The following HDGFL3 variants were observed in gnomAD, a reference collection of about 807,000 sequenced individuals.
HDGFL3 encodes HDGF like 3, also known as hepatoma-derived growth factor-related protein 3.
HDGFL3 carries 6 observed loss-of-function variants against 27.6 expected under a neutral mutation model. That is an observed-to-expected ratio of 0.22 (90% confidence interval 0.12 to 0.43). The LOEUF is 0.43. Ranked by LOEUF, HDGFL3 falls within the 20% of genes least tolerant of loss-of-function variation. The pLI is 1.00. For missense variants in HDGFL3, 207 were observed against 250.1 expected (o/e 0.83, Z 1.16); for synonymous variants, 88 against 88.9 (o/e 0.99, Z 0.05).
chr15:83,206,720 G>A (rs1212523049), intron 1 of HDGFL3, among the ~76,000 whole-genome samples: 1 of 152,238 alleles, frequency 6.6e-6, no homozygotes, highest in Non-Finnish European at 1.5e-5. Context: ...CGGTTTAAAA[G>A]AACGATGGGC....
intron 4 of HDGFL3, among the ~76,000 whole-genome samples, chr15:83,155,307 A>C (rs1345225148): frequency 6.6e-6 from 1 of 152,226 alleles, no homozygotes; most frequent in Non-Finnish European, 1.5e-5. Context: ...ACCCAGGTGG[A>C]GCCCCATTAC....
In HDGFL3 at chr15:83,179,449, C is replaced by A. The variant is rs115416854; in HGVS notation, c.85-15374G>T. Among the ~76,000 whole-genome samples, 204 of 152,306 alleles carry A rather than the reference C, an allele frequency of 1.3e-3. 1 individual carries two copies. The highest frequency in any genetic ancestry group is 4.8e-3 in the African/African-American group (199 of 41,564). On this transcript the variant is annotated intron_variant, in intron 1 of 5. Coordinates refer to ENST00000299633, the MANE Select transcript of HDGFL3 (RefSeq NM_016073.4). ...ACAGAGGCAAGGAAATTCCACATGG[C>A]TCAAACTTGTATGTGTGGTAGCTTA... is the stretch of plus-strand genomic sequence containing the variant.
intron 4 of HDGFL3, 95 bp from the exon 5 acceptor site, chr15:83,151,456 T>A: frequency 9.6e-7 from 1 of 1,044,162 alleles, no homozygotes; most frequent in Non-Finnish European, 1.4e-6. Context: ...ATCTATCTAG[T>A]TTTAGTGGTT....
rs999601975 is a variant in HDGFL3, at chr15:83,133,736, A to T, written c.*5534T>A. On this transcript the variant is annotated 3_prime_UTR_variant, in exon 6 of 6. Transcript: ENST00000299633. ...CATGAGAGGCCTTGTGCTGCTGGGAACATCACCCAGGAGAAAACCTGCAGC... is the reference window on the plus strand; with the variant it reads ...CATGAGAGGCCTTGTGCTGCTGGGATCATCACCCAGGAGAAAACCTGCAGC... 1 of 152,278 alleles carries T rather than the reference A, an allele frequency of 6.6e-6. No homozygotes were observed. The highest frequency in any genetic ancestry group is 1.5e-5 in the Non-Finnish European group (1 of 68,066). The allele number at this position is 152,278 out of a possible 1,614,324, so 9.4% of individuals were successfully genotyped here. A position where few individuals can be genotyped will look rare whatever the true frequency, so the allele number is the denominator to read the frequency against.
intron 1 of HDGFL3, among the ~76,000 whole-genome samples, chr15:83,164,367 C>CAAAAAAAAAAAAAAAAAAAA (rs869303457): frequency 7.6e-4 from 29 of 38,394 alleles, no homozygotes; most frequent in Non-Finnish European, 9.2e-4. Context: ...TTAGAGTAAC[C>CAAAAAAAAAAAAAAAAAAAA]AAAAAAAAAA....
chr15:83,157,766 T>C (rs796141618), intron 3 of HDGFL3, 137 bp downstream of exon 3: 1 of 973,248 alleles, frequency 1.0e-6, no homozygotes, highest in African/African-American at 1.7e-5. Context: ...TTACATTTAA[T>C]CCAAAATGCT....
At chr15:83,206,108 T>C (rs925748042) in intron 1 of HDGFL3, among the ~76,000 whole-genome samples, 1 of 152,228 alleles carries the variant, frequency 6.6e-6, no homozygotes, top group African/African-American at 2.4e-5. Context: ...TTCTTTCCAT[T>C]TGACAATCAT....
At chr15:83,140,523 C>T (rs932859696) in intron 5 of HDGFL3, among the ~76,000 whole-genome samples, 2 of 149,568 alleles carry the variant, frequency 1.3e-5, no homozygotes, top group Admixed American at 1.3e-4. Context: ...GCTCTGTCAC[C>T]TAGGCTGGAG....
At chr15:83,139,767 A>T (rs188214567) in intron 5 of HDGFL3, among the ~76,000 whole-genome samples, 1 of 152,324 alleles carries the variant, frequency 6.6e-6, no homozygotes, top group African/African-American at 2.4e-5. Context: ...GTTAATCATG[A>T]TGTACAAAGT....
chr15:83,155,836 T>C (rs894737876), intron 4 of HDGFL3, among the ~76,000 whole-genome samples: 1 of 152,212 alleles, frequency 6.6e-6, no homozygotes, highest in Non-Finnish European at 1.5e-5. Context: ...GACAGACCAA[T>C]TATAGTGAAA....
At chr15:83,204,761 T>A (rs1471713488) in intron 1 of HDGFL3, among the ~76,000 whole-genome samples, 1 of 152,228 alleles carries the variant, frequency 6.6e-6, no homozygotes, top group South Asian at 2.1e-4. Flanking sequence ...GTGAGAATTA[T>A]CTTTATTTTA....
chr15:83,135,798 C>A lies in HDGFL3; in HGVS notation c.*3472G>T, dbSNP rs187068224. 2 of 152,254 alleles carry A rather than the reference C, an allele frequency of 1.3e-5. No individual in the cohort carries two copies. Among genetic ancestry groups the A allele is most frequent in the East Asian group, 3.9e-4 (2 of 5,190 alleles). The allele number at this position is 152,254 out of a possible 1,614,324, so 9.4% of individuals were successfully genotyped here. ...AAAAGGTTGCCTGCATGTACATTTGCCATTTTACAAAGAGCAACCGTACTC... is the reference window on the plus strand; with the variant it reads ...AAAAGGTTGCCTGCATGTACATTTGACATTTTACAAAGAGCAACCGTACTC... On this transcript the variant is annotated 3_prime_UTR_variant, in exon 6 of 6. Transcript: ENST00000299633.
intron 1 of HDGFL3, among the ~76,000 whole-genome samples, chr15:83,196,778 GAGA>G (rs1292565690): frequency 6.6e-6 from 1 of 152,180 alleles, no homozygotes; most frequent in African/African-American, 2.4e-5. Flanking sequence ...AAGAGGATTA[GAGA>G]AGGTTAGAGA....
intron 1 of HDGFL3, among the ~76,000 whole-genome samples, chr15:83,195,983 T>C (rs1431129911): frequency 2.6e-5 from 4 of 151,986 alleles, no homozygotes; most frequent in Admixed American, 6.5e-5. Flanking sequence ...GATCACTATA[T>C]TTTGACTCCA....
rs377486735 is a variant in HDGFL3 at position 83,157,396 on chromosome 15, T to C, written c.459+19A>G. ...GATATGCATATAACATTAATAACAA[T>C]GAGAAGTTTCTTAGTAACCTTTGAA... On this transcript the variant is annotated intron_variant, in intron 4 of 5. Transcript: ENST00000299633. 3 of 1,601,414 alleles carry C rather than the reference T, an allele frequency of 1.9e-6. No individual in the cohort carries two copies. The highest frequency in any genetic ancestry group is 2.6e-6 in the Non-Finnish European group (3 of 1,169,662).
chr15:83,144,295 G>A (rs1486596408), intron 5 of HDGFL3, among the ~76,000 whole-genome samples: 1 of 152,182 alleles, frequency 6.6e-6, no homozygotes, highest in Admixed American at 6.5e-5. Context: ...TTAGGGATAG[G>A]TAGCCTTCTG....
chr15:83,202,582 A>T (rs2037661209), intron 1 of HDGFL3, among the ~76,000 whole-genome samples: 1 of 152,178 alleles, frequency 6.6e-6, no homozygotes, highest in African/African-American at 2.4e-5. Context: ...AAAGCTAAAA[A>T]TAGTGAAATT....
chr15:83,183,753 A>T (rs944255417), intron 1 of HDGFL3, among the ~76,000 whole-genome samples: 1 of 138,848 alleles, frequency 7.2e-6, no homozygotes, highest in African/African-American at 3.0e-5. Flanking sequence ...GTGAGACTCC[A>T]TCTCAAAAAA....
downstream of HDGFL3, chr15:83,127,251 T>A: frequency 6.0e-6 from 7 of 1,167,904 alleles, no homozygotes; most frequent in Admixed American, 2.9e-5. Flanking sequence ...ATATAGGAAA[T>A]AGGAATTAAT....
Sources: allele counts gnomAD v4.1 joint callset (sites outside exome capture counted in the v4.1 genomes callset), GRCh38; gene constraint gnomAD v4.1.1; transcripts MANE v1.5; gene names NCBI Gene and HGNC (gene_info 2026-07-23, HGNC 2026-07-21).